Variants in GALNT13 observed in about 807,000 individuals in gnomAD.
The protein encoded by GALNT13 is polypeptide N-acetylgalactosaminyltransferase 13.
GALNT13 carries 28 observed loss-of-function variants against 64.2 expected under a neutral mutation model. The ratio of observed to expected loss-of-function variants is 0.44; its 90% CI spans 0.32 to 0.60. The LOEUF is 0.60. Among genes scored for constraint, GALNT13 ranks in the 20% least tolerant of loss-of-function variants. The pLI, the probability that GALNT13 is intolerant of heterozygous loss-of-function variation, is 0.05. For synonymous variants in GALNT13, 214 were observed against 224.6 expected, an observed-to-expected ratio of 0.95 and a Z score of 0.42; for missense variants, 577 against 669.8, an observed-to-expected ratio of 0.86 and a Z score of 1.53.
chr2:153,867,909 T>A (rs1396370180), upstream of GALNT13, among the ~76,000 whole-genome samples: 1 of 152,142 alleles, frequency 6.6e-6, no homozygotes, highest in African/African-American at 2.4e-5. Flanking sequence ...TAAATACAGA[T>A]GAAGCTTCAC....
At chr2:153,774,817 G>A in the GALNT13 span, among the ~76,000 whole-genome samples, 2 of 152,134 alleles carry the variant, frequency 1.3e-5, no homozygotes, top group African/African-American at 4.8e-5. Context: ...GGTTGAGGCA[G>A]GAGGATTGCT....
chr2:153,329,550 T>C, the GALNT13 span, among the ~76,000 whole-genome samples: 1 of 152,232 alleles, frequency 6.6e-6, no homozygotes, highest in Non-Finnish European at 1.5e-5. Context: ...TTTTTTCATA[T>C]GTCTGTTGGC....
At chr2:153,801,461 T>C in the GALNT13 span, among the ~76,000 whole-genome samples, 1 of 152,126 alleles carries the variant, frequency 6.6e-6, no homozygotes, top group African/African-American at 2.4e-5. Context: ...AATATTGTTT[T>C]ACTCAGAGAA....
intron 4 of GALNT13, among the ~76,000 whole-genome samples, chr2:154,176,248 T>TA (rs1685644817): frequency 1.6e-5 from 2 of 121,480 alleles, no homozygotes; most frequent in South Asian, 2.4e-4. Context: ...ATATTATTTA[T>TA]TTATTTATTT....
the GALNT13 span, among the ~76,000 whole-genome samples, chr2:153,667,083 TAAAG>T: frequency 8.6e-5 from 13 of 151,024 alleles, no homozygotes; most frequent in East Asian, 2.5e-3. Flanking sequence ...CAGAAAAAAA[TAAAG>T]AAAAAAGAAT....
At chr2:154,169,886 T>C (rs1380431117) in intron 4 of GALNT13, among the ~76,000 whole-genome samples, 1 of 151,738 alleles carries the variant, frequency 6.6e-6, no homozygotes, top group Non-Finnish European at 1.5e-5. Flanking sequence ...TCTCTTTCCC[T>C]TAGAGAGAGA....
chr2:153,589,135 C>CA, the GALNT13 span, among the ~76,000 whole-genome samples: 44 of 148,648 alleles, frequency 3.0e-4, no homozygotes, highest in East Asian at 7.8e-4. Context: ...AACTTTGTCT[C>CA]AAAAAAAAAA....
the GALNT13 span, among the ~76,000 whole-genome samples, chr2:153,826,694 A>G: frequency 2.6e-5 from 4 of 152,142 alleles, no homozygotes; most frequent in Non-Finnish European, 4.4e-5. Context: ...TTTTATGACA[A>G]ATGAATGTCT....
At chr2:153,395,325 C>G in the GALNT13 span, among the ~76,000 whole-genome samples, 1 of 152,116 alleles carries the variant, frequency 6.6e-6, no homozygotes, top group Non-Finnish European at 1.5e-5. Context: ...AGAATTCTGG[C>G]TACCACATGG....
intron 8 of GALNT13, among the ~76,000 whole-genome samples, chr2:154,296,381 C>T (rs1424932974): frequency 6.6e-6 from 1 of 152,198 alleles, no homozygotes; most frequent in East Asian, 1.9e-4. Context: ...TGCTGTACAA[C>T]TGTCCAGCTG....
chr2:153,977,271 ACTT>A (rs1558885321), intron 3 of GALNT13, among the ~76,000 whole-genome samples: 2 of 152,154 alleles, frequency 1.3e-5, no homozygotes, highest in Admixed American at 1.3e-4. Context: ...TTACCATGCT[ACTT>A]GTATTAGTAT....
chr2:154,010,430 G>T (rs1558905673), intron 3 of GALNT13, among the ~76,000 whole-genome samples: 1 of 152,182 alleles, frequency 6.6e-6, no homozygotes, highest in East Asian at 1.9e-4. Flanking sequence ...TTGCATTCAA[G>T]GGTAAAGCCC....
the GALNT13 span, among the ~76,000 whole-genome samples, chr2:153,711,291 TAAC>T: frequency 6.6e-6 from 1 of 152,148 alleles, no homozygotes. Flanking sequence ...GTGGAAACAT[TAAC>T]TAAAATCTGG....
intron 4 of GALNT13, among the ~76,000 whole-genome samples, chr2:154,203,837 G>A (rs571047296): frequency 4.1e-4 from 63 of 152,124 alleles, no homozygotes; most frequent in Admixed American, 9.2e-4. Context: ...CCATTGCACC[G>A]TTGTCTACCT....
intron 9 of GALNT13, among the ~76,000 whole-genome samples, chr2:154,377,942 C>T (rs1226981400): frequency 6.6e-6 from 1 of 152,118 alleles, no homozygotes; most frequent in East Asian, 1.9e-4. Flanking sequence ...TAGAGGAAAT[C>T]AAAGCTCAAT....
At chr2:154,331,558 C>T (rs7584615) in intron 9 of GALNT13, among the ~76,000 whole-genome samples, 22,912 of 151,844 alleles carry the variant, frequency 0.15, 2,160 homozygotes, top group Non-Finnish European at 0.19. Context: ...CCTTAGCCTT[C>T]CAAAGTGCTA....
the GALNT13 span, among the ~76,000 whole-genome samples, chr2:153,507,529 T>C: frequency 8.5e-5 from 13 of 152,284 alleles, 1 homozygote; most frequent in Middle Eastern, 6.8e-3. Context: ...TCCACTAGCC[T>C]CGGCCTCCCA....
At chr2:154,446,251 A>G (rs999885994) in intron 12 of GALNT13, among the ~76,000 whole-genome samples, 3 of 152,084 alleles carry the variant, frequency 2.0e-5, no homozygotes, top group Non-Finnish European at 2.9e-5. Flanking sequence ...ATCTGGTACT[A>G]AAAAGCATTG....
At chr2:154,428,338 C>T (rs986474224) in intron 11 of GALNT13, among the ~76,000 whole-genome samples, 4 of 152,052 alleles carry the variant, frequency 2.6e-5, no homozygotes, top group Admixed American at 2.0e-4. Flanking sequence ...TGGCAAAATT[C>T]GATATATATC....
Sources: gnomAD v4.1 joint callset for allele counts (sites outside exome capture counted in the v4.1 genomes callset) on GRCh38, gnomAD v4.1.1 for gene constraint, MANE v1.5 for transcripts, NCBI Gene and HGNC (gene_info 2026-07-23, HGNC 2026-07-21) for gene names.